The following SIGLEC1 variants were observed in gnomAD, a reference collection of about 807,000 sequenced individuals.
The protein encoded by SIGLEC1 is sialic acid binding Ig like lectin 1.
In SIGLEC1, 132 loss-of-function variants were observed where a neutral mutation model predicts 148.0. The observed-to-expected ratio is 0.89, with a 90% CI of 0.77 to 1.03. SIGLEC1 has a LOEUF of 1.03. Among genes scored for constraint, SIGLEC1 ranks in the 50% least tolerant of loss-of-function variants. SIGLEC1 has a pLI of 0.00. For missense variants in SIGLEC1, 2,253 were observed against 2,271.4 expected, an observed-to-expected ratio of 0.99 and a Z score of 0.16; for synonymous variants, 945 against 969.0, an observed-to-expected ratio of 0.98 and a Z score of 0.46.
intron 6 of SIGLEC1, 111 bp from the exon 7 acceptor site, chr20:3,701,752 AG>A (rs1169213050): frequency 1.9e-6 from 2 of 1,048,714 alleles, no homozygotes; most frequent in Non-Finnish European, 2.6e-6. Flanking sequence ...CCCTGTGAGA[AG>A]GGGGTGATCC....
chr20:3,690,175 G>A lies in SIGLEC1; in HGVS notation c.4681C>T (p.Leu1561Phe), dbSNP rs1568837909. Residue 1561 changes from leucine to phenylalanine, a missense_variant, in exon 19 of 22, where the codon CTC becomes TTC. Leu to Phe is a conservative substitution (Grantham distance 22). Coordinates refer to ENST00000344754, the MANE Select transcript of SIGLEC1 (RefSeq NM_023068.4). ...ILDCRVDSEPLASLTLHLGSR... is the reference protein window; with the variant it reads ...ILDCRVDSEPFASLTLHLGSR... ...CCAAGGTGGAGAGTCAGGCTGGCGA[G>A]CGGCTCGCTGTCCACTCGGCAATCC... 2.5e-6 allele frequency: 4 copies of A among 1,577,582 alleles called. No individual in the cohort carries two copies. Among genetic ancestry groups the A allele is most frequent in the Non-Finnish European group, 3.4e-6 (4 of 1,162,644 alleles).
At chr20:3,712,120 T>C (rs1186946315) in intron 1 of SIGLEC1, among the ~76,000 whole-genome samples, 2 of 150,638 alleles carry the variant, frequency 1.3e-5, no homozygotes, top group Non-Finnish European at 3.0e-5. Context: ...TGATGGATGG[T>C]TGGGATTAGA....
chr20:3,706,941 A>C, intron 2 of SIGLEC1, 139 bp downstream of exon 2: 8 of 1,082,282 alleles, frequency 7.4e-6, no homozygotes, highest in Non-Finnish European at 9.7e-6. Flanking sequence ...CTTCCTGCCC[A>C]GCTCCTGGCC....
At chr20:3,695,529 G>A (rs2088812980) in intron 11 of SIGLEC1, among the ~76,000 whole-genome samples, 1 of 152,174 alleles carries the variant, frequency 6.6e-6, no homozygotes, top group Non-Finnish European at 1.5e-5. Flanking sequence ...CAGGTTGCAG[G>A]GAGTGAGATG....
Position 3,696,821 on chromosome 20 carries a change from G to C in SIGLEC1, c.2448C>G (p.Ile816Met), listed in dbSNP as rs1407636802. The change falls in exon 11 of 22, where the codon ATC becomes ATG. Residue 816 changes from isoleucine (I) to methionine (M), a missense_variant. Coordinates refer to ENST00000344754, the MANE Select transcript of SIGLEC1 (RefSeq NM_023068.4). ...DMGQGHMALF[I>M]CTVDSRPLAL... ...CCAGGGGGCGGCTGTCCACAGTGCA[G>C]ATGAACAGAGCCATGTGGCCCTGGC... 6.2e-7 allele frequency: 1 copy of C among 1,604,286 alleles called. No individual in the cohort carries two copies. Among genetic ancestry groups the C allele is most frequent in the East Asian group, 2.2e-5 (1 of 44,762 alleles).
rs375125623 is a variant in SIGLEC1 at position 3,699,273 on chromosome 20, G to A, written c.1715C>T (p.Ser572Leu). The part of the protein sequence containing the change: ...LPAASSTDAG[S>L]YHCRARDGHS... ...GCCGTCCCGGGCCCGGCAGTGGTAT[G>A]AGCCGGCGTCAGTGCTGGAGGCCGC... The change falls in exon 8 of 22, where the codon TCA (serine) becomes TTA (leucine). Residue 572 changes from serine (S) to leucine (L), a missense_variant. Physicochemically the swap from Ser to Leu is moderately radical, Grantham distance 145. Transcript: ENST00000344754. 7.5e-6 allele frequency: 12 copies of A among 1,609,378 alleles called. No homozygotes were observed. Among genetic ancestry groups the A allele is most frequent in the South Asian group, 4.4e-5 (4 of 90,214 alleles).
At position 3,706,454 on chromosome 20, in the gene SIGLEC1, A is replaced by C. The variant is rs2087895173; in HGVS notation, c.302T>G (p.Leu101Arg). ...GTCCTCGGGCTGCAGGTCCTTCAGC[A>C]GCAGGTTGCACACCCTGTGCTCGGG... ...GNPEHRVCNL[L>R]LKDLQPEDSG... The change falls in exon 3 of 22, where the codon CTG becomes CGG. Residue 101 changes from leucine (L) to arginine (R), a missense_variant. Coordinates refer to ENST00000344754, the MANE Select transcript of SIGLEC1 (RefSeq NM_023068.4). 6.2e-7 allele frequency: 1 copy of C among 1,614,114 alleles called. No homozygotes were observed. Among genetic ancestry groups the C allele is most frequent in the Admixed American group, 1.7e-5 (1 of 60,030 alleles).
intron 1 of SIGLEC1, among the ~76,000 whole-genome samples, chr20:3,708,646 C>G (rs536696919): frequency 6.6e-6 from 1 of 152,188 alleles, no homozygotes; most frequent in African/African-American, 2.4e-5. Context: ...ACTCTGGAGG[C>G]TGAGGTGGGA....
chr20:3,690,383 C>T (rs1356664369), intron 18 of SIGLEC1, 119 bp from the exon 19 acceptor site: 4 of 786,242 alleles, frequency 5.1e-6, no homozygotes, highest in Non-Finnish European at 5.9e-6. Context: ...TATTTCCTCA[C>T]TCCTTGAATC....
In SIGLEC1 at chr20:3,691,403, G is replaced by A. The variant is rs151310049; in HGVS notation, c.4528C>T (p.His1510Tyr). The A allele has an allele frequency of 6.3e-4, 1,017 of 1,613,372 alleles. 2 individuals are homozygous for A. In the African/African-American group the frequency reaches 6.9e-3, roughly 11 times the overall value. ...CCAGTGGGGAGCTCAGCCAGGCAGT[G>A]GTACATCCCAGCTTGAGCACGAGCC... ...HVARAQAGMY[H>Y]CLAELPTGAA... Residue 1510 changes from histidine (H) to tyrosine (Y), a missense_variant, in exon 18 of 22, where the codon CAC becomes TAC. By Grantham distance (83) the His-to-Tyr change is moderately conservative (BLOSUM62 2). Coordinates refer to ENST00000344754, the MANE Select transcript of SIGLEC1 (RefSeq NM_023068.4).
At position 3,706,531 on chromosome 20, in the gene SIGLEC1, G is replaced by T; in HGVS notation, c.225C>A (p.Asp75Glu). 6.2e-7 allele frequency: 1 copy of T among 1,613,034 alleles called. No individual in the cohort carries two copies. Residue 75 changes from aspartate to glutamate, a missense_variant, in exon 3 of 22, where the codon GAC becomes GAA. Physicochemically the swap from Asp to Glu is conservative, Grantham distance 45 (BLOSUM62 2). Coordinates refer to ENST00000344754, the MANE Select transcript of SIGLEC1 (RefSeq NM_023068.4). ...GGAAGCGGGCCTCCACCAGCTTGGGGTCCGCCGAGTGGCTCACCACCTGCC... is the reference window on the plus strand; with the variant it reads ...GGAAGCGGGCCTCCACCAGCTTGGGTTCCGCCGAGTGGCTCACCACCTGCC... ...GQRQVVSHSA[D>E]PKLVEARFRG... is the part of the protein sequence containing the mutation.
In SIGLEC1 at chr20:3,710,650, C is replaced by T. The variant is rs1043072940; in HGVS notation, c.-110+1820G>A. 1.3e-5 allele frequency among the ~76,000 whole-genome samples: 2 copies of T among 152,176 alleles called. No individual in the cohort carries two copies. The highest frequency in any genetic ancestry group is 2.1e-4 in the South Asian group (1 of 4,824). On this transcript the variant is annotated intron_variant, in intron 1 of 21. Coordinates refer to ENST00000344754, the MANE Select transcript of SIGLEC1 (RefSeq NM_023068.4). This position sits in a 1 kb window ranked among gnomAD's most constrained non-coding sequence, Gnocchi z 4.6. ...ACAGGGGATGTCAGGGTCAGCTCTG[C>T]TATGGCCAGGGCAGCTATCTTGTCC...
rs201988599 is a variant in SIGLEC1 at position 3,689,735 on chromosome 20, A to G, written c.4895-33T>C. Reference sequence around the variant, plus strand: ...ACAGAGCGGGACTCAGAGCAGCCACAGCTGCAGGCCCCCAGTGCTTCCTTC... The same window carrying G: ...ACAGAGCGGGACTCAGAGCAGCCACGGCTGCAGGCCCCCAGTGCTTCCTTC... On this transcript the variant is annotated intron_variant, in intron 19 of 21. Transcript: ENST00000344754. The G allele has an allele frequency of 1.3e-5, 20 of 1,524,354 alleles. No homozygotes were observed. The East Asian group carries it at 4.8e-4, about 37-fold the overall frequency. The allele number at this position is 1,524,354 out of a possible 1,614,324, so 94.4% of individuals were successfully genotyped here. A position where few individuals can be genotyped will look rare whatever the true frequency, so the allele number is the denominator to read the frequency against.
intron 21 of SIGLEC1, 33 bp from the exon 22 acceptor site, chr20:3,688,652 C>G (rs1304967524): frequency 6.5e-7 from 1 of 1,543,572 alleles, no homozygotes; most frequent in Non-Finnish European, 8.8e-7. Flanking sequence ...TCACAGGAGG[C>G]CTCTGGGAGC....
Position 3,699,256 on chromosome 20 carries a change from G to T in SIGLEC1, c.1732C>A (p.Arg578=). 1 of 1,609,934 alleles carries T rather than the reference G, an allele frequency of 6.2e-7. No homozygotes were observed. The highest frequency in any genetic ancestry group is 2.2e-5 in the East Asian group (1 of 44,750). ...TDAGSYHCRA[R]DGHSASGPSS... is the part of the protein sequence containing the mutation. ...GGGCCACTGGCACTGTGGCCGTCCC[G>T]GGCCCGGCAGTGGTATGAGCCGGCG... The change falls in exon 8 of 22, where the codon CGG becomes AGG. Residue 578 remains arginine (R), a synonymous_variant. Transcript: ENST00000344754.
chr20:3,707,090 GA>G lies in SIGLEC1; in HGVS notation c.38del (p.Phe13SerfsTer20). ...FLPKLLLLAS[F>X]FPAGQASWGV... ...GCCCGCAAAGCTTACCTGCTGGGAA[GA>G]ATGAGGCCAGGAGGAGAAGCTTGGG... On this transcript the variant is annotated frameshift_variant, in exon 2 of 22. Coordinates refer to ENST00000344754, the MANE Select transcript of SIGLEC1 (RefSeq NM_023068.4). LOFTEE classifies it high-confidence loss of function. 6.2e-7 allele frequency: 1 copy of G among 1,614,100 alleles called. No individual in the cohort carries two copies. Among genetic ancestry groups the G allele is most frequent in the Non-Finnish European group, 8.5e-7 (1 of 1,179,962 alleles).
In SIGLEC1 at chr20:3,691,556, C is replaced by G. The variant is rs776489645; in HGVS notation, c.4375G>C (p.Ala1459Pro). ...AEPGLDVPEGAALNLSCRLLG... is the reference protein window; with the variant it reads ...AEPGLDVPEGPALNLSCRLLG... ...AGGCGGCAGCTGAGGTTCAGGGCAG[C>G]GCCCTCAGGCACGTCCAGGCCAGGC... The change falls in exon 18 of 22, where the codon GCT becomes CCT. Residue 1459 changes from alanine (A) to proline (P), a missense_variant. By Grantham distance (27) the Ala-to-Pro change is conservative. Transcript: ENST00000344754. The G allele has an allele frequency of 6.2e-7, 1 of 1,613,036 alleles. No homozygotes were observed. The highest frequency in any genetic ancestry group is 2.2e-5 in the East Asian group (1 of 44,890).
At chr20:3,699,056 A>G (rs547658) in intron 8 of SIGLEC1, 146 bp downstream of exon 8, 624,009 of 885,864 alleles carry the variant, frequency 0.7, 222,626 homozygotes, top group African/African-American at 0.88. Flanking sequence ...TCAGCCCCAC[A>G]TGGAAAGACC....
chr20:3,688,829 C>G lies in SIGLEC1; in HGVS notation c.5071-210G>C, dbSNP rs983615543. 3 of 595,548 alleles carry G rather than the reference C, an allele frequency of 5.0e-6. No individual in the cohort carries two copies. In the South Asian group the frequency reaches 6.1e-5, roughly 12 times the overall value. 36.9% of individuals were successfully genotyped at this position (595,548 alleles called of 1,614,324 possible). A position where few individuals can be genotyped will look rare whatever the true frequency, so the allele number is the denominator to read the frequency against. ...CTGACTTTCACTTCTGCCCAGGTGA[C>G]GGGCAGGCTTGGGAGTGGGGAAGAG... On this transcript the variant is annotated intron_variant, in intron 21 of 21. Transcript: ENST00000344754.
Sources: gnomAD v4.1 joint callset for allele counts (sites outside exome capture counted in the v4.1 genomes callset) on GRCh38, gnomAD v4.1.1 for gene constraint, Gnocchi (gnomAD v3.1) non-coding constraint, MANE v1.5 for transcripts, NCBI Gene and HGNC (gene_info 2026-07-23, HGNC 2026-07-21) for gene names.